NEO1: variants seen among roughly 807,000 people sequenced by gnomAD.
NEO1 encodes neogenin 1, also known as neogenin.
In NEO1, 63 loss-of-function variants were observed where a neutral mutation model predicts 159.7. The observed-to-expected ratio is 0.39, with a 90% CI of 0.32 to 0.49. NEO1 has a LOEUF of 0.49. Ranked by LOEUF, NEO1 falls within the 20% of genes least tolerant of loss-of-function variation. The pLI, the probability that NEO1 is intolerant of heterozygous loss-of-function variation, is 0.85. For synonymous variants in NEO1, 633 were observed against 662.0 expected, an observed-to-expected ratio of 0.96 and a Z score of 0.67; for missense variants, 1,615 against 1,831.0, an observed-to-expected ratio of 0.88 and a Z score of 2.15.
chr15:73,135,834 G>C, intron 4 of NEO1, 57 bp from the exon 5 acceptor site: 1 of 1,389,392 alleles, frequency 7.2e-7, no homozygotes, highest in East Asian at 2.6e-5. Context: ...GAGTTTTTCA[G>C]GTATTATTTT....
chr15:73,097,510 G>A (rs989957772), intron 1 of NEO1, among the ~76,000 whole-genome samples: 3 of 151,938 alleles, frequency 2.0e-5, no homozygotes, highest in Admixed American at 6.6e-5. Context: ...ACAGGTGTGC[G>A]CCACCATGCC....
intron 1 of NEO1, among the ~76,000 whole-genome samples, chr15:73,076,596 A>G (rs140188128): frequency 0.01 from 1,592 of 152,262 alleles, 15 homozygotes; most frequent in Non-Finnish European, 0.016. Context: ...AAGGCCTGGG[A>G]TCTTGTACAG....
rs116370707 is a variant in NEO1, at chr15:73,113,937, A to G, written c.131-2603A>G. ...GATGGTTAGCTATCTCTTTTGACCT[A>G]TGGAATTCTTGAAAGAAATTATAGA... On this transcript the variant is annotated intron_variant, in intron 1 of 28. Transcript: ENST00000261908. Among the ~76,000 whole-genome samples, 1,302 of 152,296 alleles carry G rather than the reference A, an allele frequency of 8.5e-3. 23 individuals carry two copies. The highest frequency in any genetic ancestry group is 0.03 in the African/African-American group (1,228 of 41,558).
At chr15:73,211,200 TTAGACAAAATA>T (rs957615210) in intron 7 of NEO1, among the ~76,000 whole-genome samples, 2 of 152,142 alleles carry the variant, frequency 1.3e-5, no homozygotes, top group African/African-American at 4.8e-5. Context: ...AGCTAGAAAA[TTAGACAAAATA>T]TATGGAATAC....
chr15:73,288,678 TATG>T, intron 24 of NEO1, 127 bp downstream of exon 24: 3 of 763,778 alleles, frequency 3.9e-6, no homozygotes, highest in Non-Finnish European at 6.5e-6. Flanking sequence ...GAGAAATGTG[TATG>T]ATAAGATTTG....
At chr15:73,161,259 G>C (rs185051169) in intron 5 of NEO1, among the ~76,000 whole-genome samples, 1 of 152,016 alleles carries the variant, frequency 6.6e-6, no homozygotes, top group East Asian at 1.9e-4. Context: ...TTTTTGATAC[G>C]TATGGAATTT....
At chr15:73,257,923 A>G (rs1010684144) in intron 13 of NEO1, among the ~76,000 whole-genome samples, 1 of 152,102 alleles carries the variant, frequency 6.6e-6, no homozygotes, top group Non-Finnish European at 1.5e-5. Context: ...GGGCCCAGGC[A>G]TTTTGCTCCT....
chr15:73,130,478 G>C (rs935228029), intron 4 of NEO1, among the ~76,000 whole-genome samples: 1 of 152,176 alleles, frequency 6.6e-6, no homozygotes. Context: ...GAGCATCTCA[G>C]CAAGACAAAA....
chr15:73,260,928 C>T (rs2040592049), intron 15 of NEO1, among the ~76,000 whole-genome samples: 1 of 152,152 alleles, frequency 6.6e-6, no homozygotes, highest in African/African-American at 2.4e-5. Flanking sequence ...ATTACACTTT[C>T]ACTCCCTAGT....
rs148148823 is a variant in NEO1, at chr15:73,272,484, G to A, written c.2887G>A (p.Val963Ile). 194 of 1,614,064 alleles carry A rather than the reference G, an allele frequency of 1.2e-4. No individual in the cohort carries two copies. The African/African-American group carries it at 2.1e-3, about 18-fold the overall frequency. The part of the protein sequence containing the change: ...VPTSPPKDVT[V>I]VSKEGKPKTI... Reference sequence around the variant, plus strand: ...GACTTCTCCACCCAAGGATGTGACTGTTGTGAGTAAAGAGGGGAAACCTAA... The same window carrying A: ...GACTTCTCCACCCAAGGATGTGACTATTGTGAGTAAAGAGGGGAAACCTAA... The change falls in exon 19 of 29, where the codon GTT (valine) becomes ATT (isoleucine). Residue 963 changes from valine (V) to isoleucine (I), a missense_variant. By Grantham distance (29) the Val-to-Ile change is conservative. This residue lies in a region of NEO1 where 126 missense variants were observed against 216.7 expected (regional missense o/e 0.58). Coordinates refer to ENST00000261908, the MANE Select transcript of NEO1 (RefSeq NM_002499.4).
At chr15:73,082,917 T>C (rs1040229427) in intron 1 of NEO1, among the ~76,000 whole-genome samples, 1 of 152,120 alleles carries the variant, frequency 6.6e-6, no homozygotes, top group Non-Finnish European at 1.5e-5. Flanking sequence ...TCAGCTGAGA[T>C]CTGACAGATA....
At chr15:73,135,131 T>A (rs921367723) in intron 4 of NEO1, among the ~76,000 whole-genome samples, 6 of 152,234 alleles carry the variant, frequency 3.9e-5, no homozygotes, top group African/African-American at 1.4e-4. Context: ...TGTTAGTAAC[T>A]CTCCAAATTA....
At chr15:73,263,190 CTTTTTT>C (rs33959030) in intron 15 of NEO1, among the ~76,000 whole-genome samples, 8 of 124,152 alleles carry the variant, frequency 6.4e-5, no homozygotes, top group Non-Finnish European at 8.5e-5. Flanking sequence ...TCATAGTTGA[CTTTTTT>C]TTTTTTTTTT....
At chr15:73,258,034 G>A (rs1454105987) in intron 13 of NEO1, among the ~76,000 whole-genome samples, 1 of 152,166 alleles carries the variant, frequency 6.6e-6, no homozygotes, top group African/African-American at 2.4e-5. Context: ...AACCAAACCA[G>A]GGCTTTTCTC....
At chr15:73,219,879 T>C (rs1049375599) in intron 7 of NEO1, among the ~76,000 whole-genome samples, 29 of 151,196 alleles carry the variant, frequency 1.9e-4, no homozygotes, top group African/African-American at 6.8e-4. Context: ...CTTTATCCAA[T>C]TTGCCAGTCT....
At chr15:73,237,236 C>G (rs1340370691) in intron 8 of NEO1, among the ~76,000 whole-genome samples, 1 of 152,112 alleles carries the variant, frequency 6.6e-6, no homozygotes, top group African/African-American at 2.4e-5. Flanking sequence ...AGATCTTTAC[C>G]CACCTTTTCA....
In NEO1 at chr15:73,120,654, G is replaced by T. The variant is rs930006440; in HGVS notation, c.449-1871G>T. 3.4e-4 allele frequency among the ~76,000 whole-genome samples: 49 copies of T among 145,886 alleles called. 1 individual carries two copies. Among genetic ancestry groups the T allele is most frequent in the Admixed American group, 3.1e-3 (45 of 14,646 alleles). On this transcript the variant is annotated intron_variant, in intron 2 of 28. Transcript: ENST00000261908. The stretch of plus-strand genomic sequence containing the variant: ...TACTTTTTTTTTTTTTAACAATCCT[G>T]TGAGGCCTGTTATTCTCATTTTACT...
intron 1 of NEO1, among the ~76,000 whole-genome samples, chr15:73,055,680 C>T (rs2067660265): frequency 1.3e-5 from 2 of 152,174 alleles, no homozygotes; most frequent in African/African-American, 4.8e-5. Flanking sequence ...AAGTTAAACT[C>T]TGTGTCATTT....
At chr15:73,288,777 C>G (rs1255983198) in intron 24 of NEO1, among the ~76,000 whole-genome samples, 1 of 152,106 alleles carries the variant, frequency 6.6e-6, no homozygotes, top group Non-Finnish European at 1.5e-5. Context: ...TTTTAGGTCT[C>G]TCATCAGGCT....
Sources: allele counts gnomAD v4.1 joint callset (sites outside exome capture counted in the v4.1 genomes callset), GRCh38; gene constraint gnomAD v4.1.1; regional missense constraint gnomAD v4.1.1; transcripts MANE v1.5; gene names NCBI Gene and HGNC (gene_info 2026-07-23, HGNC 2026-07-21).